CASP6: variants seen among roughly 807,000 people sequenced by gnomAD.
CASP6 encodes the protein caspase-6.
A neutral mutation model predicts 31.8 loss-of-function variants in CASP6; 20 were observed. That is an observed-to-expected ratio of 0.63 (90% CI 0.44 to 0.91). CASP6 has a LOEUF of 0.91. CASP6 is among the 40% of genes least tolerant of loss of function. The pLI, the probability that CASP6 is intolerant of heterozygous loss-of-function variation, is 0.00. For synonymous variants in CASP6, 130 were observed against 127.8 expected (o/e 1.02, Z -0.12); for missense variants, 328 against 361.1 (o/e 0.91, Z 0.74).
At chr4:109,687,013 CTG>C (rs150698371), downstream of CASP6, among the ~76,000 whole-genome samples, 5,869 of 151,546 alleles carry the variant, frequency 0.039, 400 homozygotes, top group African/African-American at 0.14. Context: ...AGGGTATAAA[CTG>C]TATTTTTTTT....
chr4:109,705,986 AAAAAAAAAAAAAAAAATAT>A (rs1175604930), upstream of CASP6, among the ~76,000 whole-genome samples: 1 of 64,960 alleles, frequency 1.5e-5, no homozygotes, highest in African/African-American at 9.0e-5. Flanking sequence ...AAAAAAAAAA[AAAAAAAAAAAAAAAAATAT>A]ATATATATAT....
At chr4:109,694,894 G>A (rs558061527) in intron 4 of CASP6, among the ~76,000 whole-genome samples, 194 bp from the exon 5 acceptor site, 9 of 152,092 alleles carry the variant, frequency 5.9e-5, no homozygotes, top group South Asian at 2.1e-4. Context: ...GTGCAGTGGC[G>A]CGATCTTGGC....
At chr4:109,664,499 A>C in the CASP6 span, 6 of 577,582 alleles carry the variant, frequency 1.0e-5, no homozygotes, top group East Asian at 2.9e-5. Flanking sequence ...GTCATAGCTC[A>C]CTGTAATCTC....
chr4:109,682,742 G>C, the CASP6 span: 8 of 1,607,718 alleles, frequency 5.0e-6, no homozygotes, highest in Non-Finnish European at 5.1e-6. Context: ...CCCTTGAACA[G>C]GTTAGGAAGC....
the CASP6 span, among the ~76,000 whole-genome samples, chr4:109,679,591 C>T: frequency 6.6e-6 from 1 of 152,190 alleles, no homozygotes; most frequent in Non-Finnish European, 1.5e-5. Flanking sequence ...CAGTACAGTC[C>T]AGCCTCGGCA....
the CASP6 span, among the ~76,000 whole-genome samples, chr4:109,676,530 A>G: frequency 2.0e-5 from 3 of 152,182 alleles, no homozygotes; most frequent in African/African-American, 7.2e-5. Flanking sequence ...TACTCTGTTC[A>G]TGACAATACA....
At chr4:109,704,063 T>A (rs1730525689), upstream of CASP6, among the ~76,000 whole-genome samples, 1 of 149,634 alleles carries the variant, frequency 6.7e-6, no homozygotes, top group Non-Finnish European at 1.5e-5. Context: ...ATAAGCCCTG[T>A]ATGTGTTTGG....
At chr4:109,703,087 G>A (rs1038930855) in intron 1 of CASP6, among the ~76,000 whole-genome samples, 1 of 152,174 alleles carries the variant, frequency 6.6e-6, no homozygotes, top group African/African-American at 2.4e-5. Context: ...AAGGCGGCAG[G>A]GGCACGCCCC....
chr4:109,705,894 T>C (rs1375614726), upstream of CASP6, among the ~76,000 whole-genome samples: 3 of 139,606 alleles, frequency 2.1e-5, no homozygotes, highest in Admixed American at 7.4e-5. Flanking sequence ...ATGGCAGGAT[T>C]ATTTGAGCCC....
At chr4:109,701,350 T>A (rs1236516279) in intron 1 of CASP6, among the ~76,000 whole-genome samples, 1 of 152,212 alleles carries the variant, frequency 6.6e-6, no homozygotes, top group Non-Finnish European at 1.5e-5. Flanking sequence ...CTACCCTGTA[T>A]AACAGATATA....
At chr4:109,675,012 A>G in the CASP6 span, among the ~76,000 whole-genome samples, 1 of 152,242 alleles carries the variant, frequency 6.6e-6, no homozygotes, top group Non-Finnish European at 1.5e-5. Flanking sequence ...CACTTGTGAA[A>G]TTCTCTTGTC....
chr4:109,670,232 A>G, the CASP6 span, among the ~76,000 whole-genome samples: 1 of 151,860 alleles, frequency 6.6e-6, no homozygotes. Context: ...GTGAGCCTGT[A>G]CCCCTGGACT....
At chr4:109,703,499 GC>G, upstream of CASP6, 1 of 1,445,350 alleles carries the variant, frequency 6.9e-7, no homozygotes. Context: ...CCCGCCCCCT[GC>G]CCCCGAGCGT....
At chr4:109,676,859 A>G in the CASP6 span, among the ~76,000 whole-genome samples, 1 of 152,256 alleles carries the variant, frequency 6.6e-6, no homozygotes, top group Non-Finnish European at 1.5e-5. Context: ...AAATGAGAGG[A>G]GAATAGATTT....
rs761873161 is a variant in CASP6 at position 109,690,811 on chromosome 4, A to G, written c.643+39T>C. 50 of 1,558,776 alleles carry G rather than the reference A, an allele frequency of 3.2e-5. No individual in the cohort carries two copies. In the South Asian group the frequency reaches 6.2e-4, roughly 19 times the overall value. On this transcript the variant is annotated intron_variant, in intron 6 of 6. Transcript: ENST00000265164. ...AGGTGAAACTTACAGGACCTTAGCCAAGAGAGGCAATTATATGTTTGTTTT... is the reference window on the plus strand; with the variant it reads ...AGGTGAAACTTACAGGACCTTAGCCGAGAGAGGCAATTATATGTTTGTTTT...
the CASP6 span, among the ~76,000 whole-genome samples, chr4:109,681,982 G>A: frequency 6.6e-6 from 1 of 152,220 alleles, no homozygotes; most frequent in African/African-American, 2.4e-5. Context: ...TTTATATCCC[G>A]ATCCTTGTCC....
At chr4:109,683,600 TTC>T in the CASP6 span, among the ~76,000 whole-genome samples, 1 of 152,244 alleles carries the variant, frequency 6.6e-6, no homozygotes, top group Non-Finnish European at 1.5e-5. Context: ...TCTTATTTTA[TTC>T]TCTTTCTCAG....
At chr4:109,702,515 C>T (rs1160058711) in intron 1 of CASP6, among the ~76,000 whole-genome samples, 4 of 151,900 alleles carry the variant, frequency 2.6e-5, no homozygotes, top group Non-Finnish European at 5.9e-5. Flanking sequence ...CGGGGTTTCA[C>T]CGTGTTAGTT....
chr4:109,706,139 A>T (rs1277401285), upstream of CASP6, among the ~76,000 whole-genome samples: 1 of 71,402 alleles, frequency 1.4e-5, no homozygotes, highest in Non-Finnish European at 2.4e-5. Context: ...TTTTATATAT[A>T]TATATATATA....
Sources: gnomAD v4.1 joint callset for allele counts (sites outside exome capture counted in the v4.1 genomes callset) on GRCh38, gnomAD v4.1.1 for gene constraint, MANE v1.5 for transcripts, NCBI Gene and HGNC (gene_info 2026-07-23, HGNC 2026-07-21) for gene names.